The following EPN2 variants were observed in gnomAD, a reference collection of about 807,000 sequenced individuals.
The protein encoded by EPN2 is epsin 2.
Under a neutral mutation model 61.7 loss-of-function variants are expected in EPN2, and 34 were observed. That is an observed-to-expected ratio of 0.55 (90% CI 0.42 to 0.73). The LOEUF (loss-of-function observed/expected upper bound fraction) is 0.73, where lower values mean the gene tolerates loss of function less well. Ranked by LOEUF, EPN2 falls within the 30% of genes least tolerant of loss-of-function variation. EPN2 has a pLI of 0.00. For synonymous variants in EPN2, 349 were observed against 353.6 expected (o/e 0.99, Z 0.15); for missense variants, 714 against 839.2 (o/e 0.85, Z 1.84).
chr17:19,311,704 T>C (rs912883710), intron 5 of EPN2, among the ~76,000 whole-genome samples: 1 of 152,220 alleles, frequency 6.6e-6, no homozygotes, highest in Non-Finnish European at 1.5e-5. Context: ...ATTTGTGTTT[T>C]ATAAGGACAC....
intron 1 of EPN2, among the ~76,000 whole-genome samples, chr17:19,238,039 C>A (rs1327475000): frequency 6.6e-6 from 1 of 152,202 alleles, no homozygotes; most frequent in African/African-American, 2.4e-5. Context: ...TTATCTCTGT[C>A]CGGGATCCCG....
chr17:19,327,747 A>G (rs1906950739), intron 7 of EPN2, among the ~76,000 whole-genome samples: 2 of 152,202 alleles, frequency 1.3e-5, no homozygotes, highest in Non-Finnish European at 2.9e-5. Context: ...GTATTCAGAA[A>G]ATAGGCACAA....
At chr17:19,290,338 C>T (rs1315138794) in intron 4 of EPN2, among the ~76,000 whole-genome samples, 1 of 152,194 alleles carries the variant, frequency 6.6e-6, no homozygotes, top group African/African-American at 2.4e-5. Flanking sequence ...TTCTGCAGAA[C>T]TGGCCACAGT....
At chr17:19,255,575 T>A (rs1208978511) in intron 1 of EPN2, among the ~76,000 whole-genome samples, 2 of 149,024 alleles carry the variant, frequency 1.3e-5, no homozygotes, top group African/African-American at 2.5e-5. Context: ...TTTTTTTTTT[T>A]TTTTTTTAAG....
At chr17:19,266,832 A>G (rs923665117) in intron 1 of EPN2, among the ~76,000 whole-genome samples, 3 of 151,790 alleles carry the variant, frequency 2.0e-5, no homozygotes, top group Admixed American at 6.5e-5. Flanking sequence ...ACAAAGGAAC[A>G]TTATTTAGCC....
chr17:19,308,572 C>G (rs1430111053), intron 4 of EPN2: 2 of 985,172 alleles, frequency 2.0e-6, no homozygotes, highest in Non-Finnish European at 2.4e-6. Context: ...AGGGGAAGGA[C>G]CAGGTCCGGG....
intron 1 of EPN2, among the ~76,000 whole-genome samples, chr17:19,240,160 G>A (rs979069028): frequency 1.3e-5 from 2 of 152,096 alleles, no homozygotes; most frequent in African/African-American, 2.4e-5. Flanking sequence ...GGTGTATAGG[G>A]GTGTGAAGGA....
intron 1 of EPN2, among the ~76,000 whole-genome samples, chr17:19,257,050 C>G (rs1403464224): frequency 6.6e-6 from 1 of 152,156 alleles, no homozygotes. Flanking sequence ...AATAGCAAGT[C>G]GCACAAGAAA....
At chr17:19,323,146 T>C (rs567089636) in intron 7 of EPN2, among the ~76,000 whole-genome samples, 2 of 152,030 alleles carry the variant, frequency 1.3e-5, no homozygotes, top group Non-Finnish European at 2.9e-5. Flanking sequence ...CTCCAGGGAG[T>C]TTACAGTGCA....
chr17:19,329,377 C>G (rs1567870488), intron 8 of EPN2, 184 bp from the exon 9 acceptor site: 1 of 550,970 alleles, frequency 1.8e-6, no homozygotes, highest in Non-Finnish European at 3.2e-6. Flanking sequence ...CCTGTCTCCC[C>G]TCCCAGCGTG....
Position 19,335,342 on chromosome 17 carries a change from AAAATC to A in EPN2, c.*1089_*1093del. Reference sequence around the variant, plus strand: ...ACCAACATCCTGAAAGTTAAAGAAAAAAATCTAATGTATGAATGTGACTCACCAAT... The same window carrying A: ...ACCAACATCCTGAAAGTTAAAGAAAATAATGTATGAATGTGACTCACCAAT... On this transcript the variant is annotated 3_prime_UTR_variant, in exon 11 of 11. Transcript: ENST00000314728. The A allele has an allele frequency of 6.7e-7, 1 of 1,499,136 alleles. No individual in the cohort carries two copies. Among genetic ancestry groups the A allele is most frequent in the South Asian group, 1.3e-5 (1 of 79,162 alleles). 92.9% of individuals were successfully genotyped at this position (1,499,136 alleles called of 1,614,324 possible).
intron 1 of EPN2, among the ~76,000 whole-genome samples, chr17:19,277,758 G>A (rs888812765): frequency 4.6e-5 from 7 of 152,136 alleles, no homozygotes; most frequent in Admixed American, 3.3e-4. Context: ...GGTGAGGTGC[G>A]TAGTCCAGTT....
At chr17:19,319,632 CT>C (rs1194160621) in intron 7 of EPN2, among the ~76,000 whole-genome samples, 4 of 147,718 alleles carry the variant, frequency 2.7e-5, no homozygotes, top group Admixed American at 6.8e-5. Flanking sequence ...CGCCTGGCCC[CT>C]TTTTTTTTTA....
intron 4 of EPN2, among the ~76,000 whole-genome samples, chr17:19,295,080 A>C (rs1013807187): frequency 6.6e-6 from 1 of 152,092 alleles, no homozygotes; most frequent in African/African-American, 2.4e-5. Context: ...CTATCTTCAG[A>C]GTCTTTTTCA....
At chr17:19,310,787 G>A (rs1293713137) in intron 5 of EPN2, among the ~76,000 whole-genome samples, 4 of 151,616 alleles carry the variant, frequency 2.6e-5, no homozygotes, top group East Asian at 1.9e-4. Context: ...CATGTTGGTC[G>A]GGCTGGTCTC....
At chr17:19,329,065 T>C in intron 8 of EPN2, 178 bp downstream of exon 8, 1 of 569,372 alleles carries the variant, frequency 1.8e-6, no homozygotes, top group Non-Finnish European at 3.0e-6. Context: ...AGTGAGTGAG[T>C]GCGAGTTCCC....
At chr17:19,248,890 G>A (rs971320158) in intron 1 of EPN2, among the ~76,000 whole-genome samples, 1 of 152,204 alleles carries the variant, frequency 6.6e-6, no homozygotes, top group Non-Finnish European at 1.5e-5. Flanking sequence ...AGAAGGCTTC[G>A]AGGAAATAGT....
chr17:19,293,534 C>CTTTTTTT (rs71155390), intron 4 of EPN2, among the ~76,000 whole-genome samples: 2 of 52,432 alleles, frequency 3.8e-5, no homozygotes, highest in Non-Finnish European at 6.8e-5. Flanking sequence ...CCATACCCAG[C>CTTTTTTT]TTTTTTTTTT....
At chr17:19,255,880 C>T (rs2045071665) in intron 1 of EPN2, among the ~76,000 whole-genome samples, 1 of 151,976 alleles carries the variant, frequency 6.6e-6, no homozygotes, top group Non-Finnish European at 1.5e-5. Flanking sequence ...GTCTCGGCCC[C>T]CCAAAGTGTT....
Sources: gnomAD v4.1 joint callset for allele counts (sites outside exome capture counted in the v4.1 genomes callset) on GRCh38, gnomAD v4.1.1 for gene constraint, MANE v1.5 for transcripts, NCBI Gene and HGNC (gene_info 2026-07-23, HGNC 2026-07-21) for gene names.